VLDLR: variants seen among roughly 807,000 people sequenced by gnomAD.
The protein encoded by VLDLR is very low density lipoprotein receptor.
Under a neutral mutation model 112.7 loss-of-function variants are expected in VLDLR, and 81 were observed. The observed-to-expected ratio is 0.72, with a 90% CI of 0.60 to 0.86. VLDLR has a LOEUF of 0.86. Among genes scored for constraint, VLDLR ranks in the 40% least tolerant of loss-of-function variants. VLDLR has a pLI of 0.00. For synonymous variants in VLDLR, 436 were observed against 384.8 expected (o/e 1.13, Z -1.56); for missense variants, 1,237 against 1,099.4 (o/e 1.13, Z -1.77).
At chr9:2,624,458 A>C (rs1452673828) in intron 1 of VLDLR, among the ~76,000 whole-genome samples, 1 of 152,230 alleles carries the variant, frequency 6.6e-6, no homozygotes, top group Non-Finnish European at 1.5e-5. Context: ...CAAGGAACTT[A>C]AGGCTAACAA....
At chr9:2,643,605 C>T in intron 5 of VLDLR, 23 bp from the exon 6 acceptor site, 1 of 1,614,150 alleles carries the variant, frequency 6.2e-7, no homozygotes, top group African/African-American at 1.3e-5. Flanking sequence ...GGCTTCATTC[C>T]ATGGTGTTTC....
Position 2,654,419 on chromosome 9 carries a change from T to C in VLDLR, c.*551T>C, listed in dbSNP as rs8210. 24,550 of 158,344 alleles carry C rather than the reference T, an allele frequency of 0.16. 2,196 individuals carry two copies. The highest frequency in any genetic ancestry group is 0.19 in the Non-Finnish European group (13,745 of 71,206). The allele number at this position is 158,344 out of a possible 1,614,324, so 9.8% of individuals were successfully genotyped here. The stretch of plus-strand genomic sequence containing the variant: ...GACCTCAATGGAGGTTTGCAAAGAC[T>C]GAGTGTTCAAACTACTGTACATTTT... On this transcript the variant is annotated 3_prime_UTR_variant, in exon 19 of 19. Transcript: ENST00000382100.
intron 8 of VLDLR, 25 bp downstream of exon 8, chr9:2,644,878 C>A (rs759121549): frequency 4.3e-6 from 7 of 1,613,908 alleles, no homozygotes; most frequent in Non-Finnish European, 5.9e-6. Flanking sequence ...AAAACCTGGA[C>A]CCTGCAGGTG....
chr9:2,645,762 T>C lies in VLDLR; in HGVS notation c.1484+17T>C. The C allele has an allele frequency of 6.2e-7, 1 of 1,613,994 alleles. No homozygotes were observed. Among genetic ancestry groups the C allele is most frequent in the Non-Finnish European group, 8.5e-7 (1 of 1,179,972 alleles). On this transcript the variant is annotated intron_variant, in intron 10 of 18. Coordinates refer to ENST00000382100, the MANE Select transcript of VLDLR (RefSeq NM_003383.5). ...TATCTTCAGGTAACTTTCAGTTCCT[T>C]TTGTGGTGTCTTGACATAAGTCATT...
rs1191389856 is a variant in VLDLR at position 2,654,611 on chromosome 9, CCCT to C, written c.*744_*746del. ...TGTAATTGGGCTGGTTTCTCTTACACCCTAGCACAGTTAAAAAATGAAGTACTG... is the reference window on the plus strand; with the variant it reads ...TGTAATTGGGCTGGTTTCTCTTACACAGCACAGTTAAAAAATGAAGTACTG... On this transcript the variant is annotated 3_prime_UTR_variant, in exon 19 of 19. Transcript: ENST00000382100. 2.6e-5 allele frequency: 4 copies of C among 152,300 alleles called. No homozygotes were observed. Among genetic ancestry groups the C allele is most frequent in the Non-Finnish European group, 5.9e-5 (4 of 68,102 alleles). 9.4% of individuals were successfully genotyped at this position (152,300 alleles called of 1,614,324 possible). A position where few individuals can be genotyped will look rare whatever the true frequency, so the allele number is the denominator to read the frequency against.
At chr9:2,653,252 T>G (rs892085022) in intron 18 of VLDLR, among the ~76,000 whole-genome samples, 1 of 152,206 alleles carries the variant, frequency 6.6e-6, no homozygotes, top group East Asian at 1.9e-4. Flanking sequence ...AACTATTAAA[T>G]CCATTGCCTA....
intron 2 of VLDLR, among the ~76,000 whole-genome samples, chr9:2,636,777 T>G (rs1018084142): frequency 6.6e-6 from 1 of 152,246 alleles, no homozygotes; most frequent in African/African-American, 2.4e-5. Context: ...TTTAGTTCTC[T>G]TACTAAATAT....
intron 4 of VLDLR, 152 bp from the exon 5 acceptor site, chr9:2,643,008 C>A: frequency 1.7e-6 from 2 of 1,166,140 alleles, no homozygotes; most frequent in Non-Finnish European, 2.5e-6. Flanking sequence ...TGAGACTGTA[C>A]AAAAGTTCTT....
At chr9:2,653,077 T>TACTGTCTGTCTAA in intron 18 of VLDLR, 128 bp downstream of exon 18, 1 of 1,220,262 alleles carries the variant, frequency 8.2e-7, no homozygotes, top group Non-Finnish European at 1.2e-6. Context: ...TACCTGGCTA[T>TACTGTCTGTCTAA]TAGACAGACA....
chr9:2,645,864 T>C, intron 10 of VLDLR, 119 bp downstream of exon 10: 2 of 1,145,180 alleles, frequency 1.7e-6, no homozygotes, highest in African/African-American at 1.5e-5. Context: ...TCGAATTACC[T>C]GGGGACATTA....
At position 2,653,835 on chromosome 9, in the gene VLDLR, A is replaced by G. The variant is rs930559755; in HGVS notation, c.2589A>G (p.Ile863Met). 1.9e-6 allele frequency: 3 copies of G among 1,613,798 alleles called. No individual in the cohort carries two copies. Among genetic ancestry groups the G allele is most frequent in the African/African-American group, 2.7e-5 (2 of 74,916 alleles). The change falls in exon 19 of 19, where the codon ATA (isoleucine) becomes ATG (methionine). Residue 863 changes from isoleucine (I) to methionine (M), a missense_variant and splice_region_variant. Coordinates refer to ENST00000382100, the MANE Select transcript of VLDLR (RefSeq NM_003383.5). ...SASVGHTYPAISVVSTDDDLA is the reference protein window; with the variant it reads ...SASVGHTYPAMSVVSTDDDLA The stretch of plus-strand genomic sequence containing the variant: ...TCTATACTTCTTCTTTTCCACAGAT[A>G]TCAGTTGTAAGCACAGATGATGATC...
At chr9:2,635,600 A>G in intron 2 of VLDLR, 28 bp downstream of exon 2, 1 of 1,613,806 alleles carries the variant, frequency 6.2e-7, no homozygotes, top group Non-Finnish European at 8.5e-7. Context: ...TGACTTATGC[A>G]TTTTGTTAAA....
Position 2,626,803 on chromosome 9 carries a change from T to G in VLDLR, c.82+4532T>G, listed in dbSNP as rs572413957. ...CTCGGCGATAGACAGCATTTGTGAG[T>G]TACATCACAAGTTTGTTAGAACTTA... On this transcript the variant is annotated intron_variant, in intron 1 of 18. Coordinates refer to ENST00000382100, the MANE Select transcript of VLDLR (RefSeq NM_003383.5). Among the ~76,000 whole-genome samples the G allele has an allele frequency of 7.3e-5, 7 of 95,388 alleles. No individual in the cohort carries two copies. The East Asian group carries it at 2.1e-3, about 29-fold the overall frequency. The allele number at this position is 95,388 out of a possible 152,430, so 62.6% of individuals were successfully genotyped here.
chr9:2,632,250 C>A (rs1869592), intron 1 of VLDLR, among the ~76,000 whole-genome samples: 26,187 of 152,020 alleles, frequency 0.17, 2,506 homozygotes, highest in East Asian at 0.28. Flanking sequence ...GGTGGAACAC[C>A]CAGGGCCTCT....
chr9:2,644,272 C>A (rs1189504892), intron 7 of VLDLR, among the ~76,000 whole-genome samples: 3 of 148,800 alleles, frequency 2.0e-5, no homozygotes, highest in Non-Finnish European at 4.4e-5. Context: ...AGTTCTTCTG[C>A]CTCAGCCTCC....
Position 2,655,657 on chromosome 9 carries a change from T to C in VLDLR, c.*1789T>C, listed in dbSNP as rs528964554. 1.3e-5 allele frequency: 2 copies of C among 152,232 alleles called. No individual in the cohort carries two copies. The highest frequency in any genetic ancestry group is 3.9e-4 in the East Asian group (2 of 5,190). The allele number at this position is 152,232 out of a possible 1,614,324, so 9.4% of individuals were successfully genotyped here. A position where few individuals can be genotyped will look rare whatever the true frequency, so the allele number is the denominator to read the frequency against. On this transcript the variant is annotated 3_prime_UTR_variant, in exon 19 of 19. Transcript: ENST00000382100. The stretch of plus-strand genomic sequence containing the variant: ...TCTGTTGTCTTAAGGGATGCCCCCT[T>C]GTGATTTTGGTCAACTGAATGAAAA...
At chr9:2,642,891 G>C (rs1030504207) in intron 4 of VLDLR, among the ~76,000 whole-genome samples, 1 of 152,136 alleles carries the variant, frequency 6.6e-6, no homozygotes, top group Non-Finnish European at 1.5e-5. Flanking sequence ...GCCACTTTTA[G>C]AATCAATTGT....
At chr9:2,622,309 C>G in intron 1 of VLDLR, 38 bp downstream of exon 1, 1 of 1,433,200 alleles carries the variant, frequency 7.0e-7, no homozygotes. Flanking sequence ...CGGGCGGGAC[C>G]CAGCCGGGGC....
intron 3 of VLDLR, 147 bp from the exon 4 acceptor site, chr9:2,641,230 A>G: frequency 8.0e-7 from 1 of 1,250,070 alleles, no homozygotes; most frequent in Non-Finnish European, 1.1e-6. Context: ...CTGATGAAAG[A>G]GCTCCCCGGG....
Sources: allele counts gnomAD v4.1 joint callset (sites outside exome capture counted in the v4.1 genomes callset), GRCh38; gene constraint gnomAD v4.1.1; transcripts MANE v1.5; gene names NCBI Gene and HGNC (gene_info 2026-07-23, HGNC 2026-07-21).